The following NAV3 variants were observed in gnomAD, a reference collection of about 807,000 sequenced individuals.
The protein encoded by NAV3 is pore membrane and/or filament interacting like protein 1.
A neutral mutation model predicts 244.7 loss-of-function variants in NAV3; 87 were observed. That is an observed-to-expected ratio of 0.36 (90% CI 0.30 to 0.42). NAV3 has a LOEUF of 0.42. Among genes scored for constraint, NAV3 ranks in the 20% least tolerant of loss-of-function variants. The probability of loss-of-function intolerance (pLI) is 1.00; values close to 1 mark genes in which losing one functional copy is unlikely to be tolerated. For synonymous variants in NAV3, 1,126 were observed against 1,042.2 expected (o/e 1.08, Z -1.55); for missense variants, 2,663 against 2,893.3 (o/e 0.92, Z 1.83).
intron 16 of NAV3, among the ~76,000 whole-genome samples, 167 bp from the exon 17 acceptor site, chr12:78,127,000 G>A (rs1240013483): frequency 6.6e-6 from 1 of 152,196 alleles, no homozygotes; most frequent in East Asian, 1.9e-4. Context: ...ATGTGTGACG[G>A]CAATGGACAT....
At chr12:77,874,397 T>A (rs376732077) in intron 1 of NAV3, among the ~76,000 whole-genome samples, 3 of 151,774 alleles carry the variant, frequency 2.0e-5, no homozygotes, top group Admixed American at 6.6e-5. Flanking sequence ...TTTTTTTAAA[T>A]TTTTTATAGA....
rs553608657 is a variant in NAV3 at position 77,913,731 on chromosome 12, A to G, written c.244-26588A>G. Among the ~76,000 whole-genome samples the G allele has an allele frequency of 5.1e-4, 78 of 152,222 alleles. No homozygotes were observed. The Middle Eastern group carries it at 0.01, about 20-fold the overall frequency. On this transcript the variant is annotated intron_variant, in intron 1 of 39. Transcript: ENST00000397909. ...AGCAAAATAAGAGTTGAGTATTTTTACAGTCTCTCACTTAAGCTCTATCTT... is the reference window on the plus strand; with the variant it reads ...AGCAAAATAAGAGTTGAGTATTTTTGCAGTCTCTCACTTAAGCTCTATCTT...
In NAV3 at chr12:78,188,262, G is replaced by C. The variant is rs2139841077; in HGVS notation, c.5805G>C (p.Gln1935His). 1 of 1,610,524 alleles carries C rather than the reference G, an allele frequency of 6.2e-7. No individual in the cohort carries two copies. ...GYGRAKDQKS[Q>H]AYLIGSIGVS... is the part of the protein sequence containing the mutation. ...TTCTTATTTAGGACCAAAAATCTCA[G>C]GCATATTTGATAGGATCCATTGGTG... Residue 1935 changes from glutamine (Q) to histidine (H), a missense_variant, in exon 32 of 40, where the codon CAG becomes CAC. Transcript: ENST00000397909.
chr12:78,116,319 G>A (rs893491835), intron 12 of NAV3, among the ~76,000 whole-genome samples: 1 of 152,228 alleles, frequency 6.6e-6, no homozygotes, highest in Non-Finnish European at 1.5e-5. Flanking sequence ...ATGATTGAAT[G>A]TAGTTCCTAA....
At chr12:77,792,474 A>C (rs1186969884) in intron 2 of NAV3, among the ~76,000 whole-genome samples, 1 of 152,184 alleles carries the variant, frequency 6.6e-6, no homozygotes, top group Non-Finnish European at 1.5e-5. Context: ...TACAGGGAGC[A>C]TCATACAAGG....
intron 23 of NAV3, among the ~76,000 whole-genome samples, chr12:78,160,662 T>C (rs139571880): frequency 1.1e-3 from 162 of 152,216 alleles, no homozygotes; most frequent in African/African-American, 3.8e-3. Flanking sequence ...ACAGAATGAA[T>C]AGTTCAATGA....
At chr12:78,171,301 G>T (rs1359391670) in intron 24 of NAV3, among the ~76,000 whole-genome samples, 1 of 151,590 alleles carries the variant, frequency 6.6e-6, no homozygotes, top group African/African-American at 2.4e-5. Flanking sequence ...GTCCAGAAGG[G>T]ATTTAAAAAG....
In NAV3 at chr12:78,050,117, G is replaced by T; in HGVS notation, c.2132+16G>T. The T allele has an allele frequency of 1.3e-6, 2 of 1,550,758 alleles. No homozygotes were observed. The highest frequency in any genetic ancestry group is 1.2e-5 in the South Asian group (1 of 85,106). ...TAAGCCACAGGTTTTTTTCAATTTT[G>T]CATATATTTGAGCCAATAAAGAAAA... On this transcript the variant is annotated intron_variant, in intron 10 of 39. Transcript: ENST00000397909.
At chr12:77,572,734 G>T (rs1868886284) in intron 2 of NAV3, among the ~76,000 whole-genome samples, 1 of 152,156 alleles carries the variant, frequency 6.6e-6, no homozygotes, top group African/African-American at 2.4e-5. Context: ...TATACAGCTG[G>T]CCTGGAAAGA....
In NAV3 at chr12:77,702,267, G is replaced by A. The variant is rs368437307; in HGVS notation, c.72+130001G>A. Among the ~76,000 whole-genome samples, 7 of 152,014 alleles carry A rather than the reference G, an allele frequency of 4.6e-5. No individual in the cohort carries two copies. In the East Asian group the frequency reaches 1.4e-3, roughly 29 times the overall value. ...TGAAATTTATTTTGACATCAGTATA[G>A]CCACACCTGCATTCTTATGCTTGCT... On this transcript the variant is annotated intron_variant, in intron 2 of 8. Transcript: ENST00000550042.
chr12:78,009,975 GA>G (rs1874975165), intron 8 of NAV3, among the ~76,000 whole-genome samples: 1 of 152,080 alleles, frequency 6.6e-6, no homozygotes, highest in African/African-American at 2.4e-5. Flanking sequence ...AGCATTTTGG[GA>G]GGCCAAGGTG....
At position 78,175,509 on chromosome 12, in the gene NAV3, T is replaced by A. The variant is rs1256664824; in HGVS notation, c.5103+82T>A. On this transcript the variant is annotated intron_variant, in intron 25 of 39. Transcript: ENST00000397909. The stretch of plus-strand genomic sequence containing the variant: ...CTTTTTCTTTGGGGCTTTAGTGATC[T>A]GCAGTAGTTTACAAAGGGTCCCATT... The A allele has an allele frequency of 2.6e-6, 4 of 1,522,126 alleles. No individual in the cohort carries two copies. In the African/African-American group the frequency reaches 5.5e-5, roughly 21 times the overall value. 94.3% of individuals were successfully genotyped at this position (1,522,126 alleles called of 1,614,324 possible).
chr12:77,807,445 G>A (rs1358607073), intron 2 of NAV3, among the ~76,000 whole-genome samples: 1 of 152,156 alleles, frequency 6.6e-6, no homozygotes, highest in Admixed American at 6.5e-5. Context: ...AGCTTAGTTT[G>A]GCTGGATATG....
chr12:78,195,354 TTTA>T lies in NAV3; in HGVS notation c.6292-1875_6292-1873del, dbSNP rs148621116. 1.2e-4 allele frequency among the ~76,000 whole-genome samples: 18 copies of T among 151,588 alleles called. No homozygotes were observed. In the South Asian group the frequency reaches 3.1e-3, roughly 26 times the overall value. On this transcript the variant is annotated intron_variant, in intron 34 of 39. Transcript: ENST00000397909. The stretch of plus-strand genomic sequence containing the variant: ...TTTTATTCTTTAGATTTCAATCCTT[TTTA>T]TTATTATTATTATTATTTGCTTTTT...
chr12:78,069,297 A>C (rs1952633742), intron 12 of NAV3, among the ~76,000 whole-genome samples: 1 of 152,016 alleles, frequency 6.6e-6, no homozygotes, highest in Non-Finnish European at 1.5e-5. Flanking sequence ...TTTCTAAACT[A>C]AATCGTTTTT....
At position 77,831,603 on chromosome 12, in the gene NAV3, G is replaced by T. The variant is rs1301351243; in HGVS notation, c.142G>T (p.Glu48Ter). The change falls in exon 1 of 40, where the codon GAG becomes TAG. Residue 48 changes from glutamate to a stop codon, truncating the protein, a stop_gained. Transcript: ENST00000397909. LOFTEE classifies it high-confidence loss of function. ...AAGACCTTTGGAACTTACTGAAACA[G>T]AGAGCTCCATGCTTTCTTGTCAGCT... Reference protein sequence around the residue: ...SSRPLELTETESSMLSCQLAL... With the variant: ...SSRPLELTET The T allele has an allele frequency of 1.9e-6, 3 of 1,613,980 alleles. No individual in the cohort carries two copies. The highest frequency in any genetic ancestry group is 3.3e-5 in the Admixed American group (2 of 59,998).
At chr12:77,896,573 A>T (rs1019994045) in intron 1 of NAV3, among the ~76,000 whole-genome samples, 1 of 152,212 alleles carries the variant, frequency 6.6e-6, no homozygotes, top group African/African-American at 2.4e-5. Context: ...TGACAAAGAC[A>T]TGGGGGAATA....
rs376917324 is a variant in NAV3, at chr12:78,199,476, G to A, written c.6660G>A (p.Thr2220=). ...AAATTATAGATTGGATTCCGAAGAC[G>A]TGGCATCATCTCAACAGTTTTTTGG... is the stretch of plus-strand genomic sequence containing the variant. ...LVKIIDWIPK[T]WHHLNSFLET... is the part of the protein sequence containing the mutation. The change falls in exon 37 of 40, where the codon ACG becomes ACA. Residue 2220 remains threonine (T), a synonymous_variant. Coordinates refer to ENST00000397909, the MANE Select transcript of NAV3 (RefSeq NM_001024383.2). 54 of 1,608,890 alleles carry A rather than the reference G, an allele frequency of 3.4e-5. No individual in the cohort carries two copies. In the Middle Eastern group the frequency reaches 1.7e-3, roughly 49 times the overall value.
At chr12:77,707,180 G>T (rs1875859703) in intron 2 of NAV3, among the ~76,000 whole-genome samples, 4 of 151,014 alleles carry the variant, frequency 2.6e-5, no homozygotes, top group Admixed American at 2.6e-4. Flanking sequence ...TTTACATTAG[G>T]TACATCTCCT....
Sources: gnomAD v4.1 joint callset for allele counts (sites outside exome capture counted in the v4.1 genomes callset) on GRCh38, gnomAD v4.1.1 for gene constraint, MANE v1.5 for transcripts, NCBI Gene and HGNC (gene_info 2026-07-23, HGNC 2026-07-21) for gene names.